The following KMT2C variants were observed in gnomAD, a reference collection of about 807,000 sequenced individuals.
The protein encoded by KMT2C is lysine methyltransferase 2C.
A neutral mutation model predicts 507.9 loss-of-function variants in KMT2C; 88 were observed. That is an observed-to-expected ratio of 0.17 (90% CI 0.15 to 0.21). The LOEUF is 0.21. Among genes scored for constraint, KMT2C ranks in the 10% least tolerant of loss-of-function variants. The pLI is 1.00. For missense variants in KMT2C, 4,954 were observed against 5,957.8 expected (o/e 0.83, Z 5.55); for synonymous variants, 2,049 against 2,080.8 (o/e 0.98, Z 0.42).
At chr7:152,209,523 A>G (rs1366526371) in intron 23 of KMT2C, among the ~76,000 whole-genome samples, 1 of 151,936 alleles carries the variant, frequency 6.6e-6, no homozygotes. Flanking sequence ...ATATGTTAAA[A>G]TTACATTCTC....
At chr7:152,290,236 G>GTGTGTGTA (rs2096389575) in intron 6 of KMT2C, among the ~76,000 whole-genome samples, 6 of 100,854 alleles carry the variant, frequency 5.9e-5, no homozygotes, top group African/African-American at 2.9e-4. Context: ...GTGTGTGTGT[G>GTGTGTGTA]TGTGTGTGTG....
At chr7:152,210,423 A>G (rs1476209708) in intron 23 of KMT2C, among the ~76,000 whole-genome samples, 1 of 152,214 alleles carries the variant, frequency 6.6e-6, no homozygotes, top group Non-Finnish European at 1.5e-5. Context: ...CATGTACCAT[A>G]AAGATTATCC....
intron 2 of KMT2C, among the ~76,000 whole-genome samples, chr7:152,339,467 C>T (rs1302638482): frequency 6.6e-6 from 1 of 152,074 alleles, no homozygotes; most frequent in Non-Finnish European, 1.5e-5. Context: ...AAATTCACTG[C>T]TAGATTTTAT....
In KMT2C at chr7:152,181,978, T is replaced by A. The variant is rs2129120569; in HGVS notation, c.5882A>T (p.Asp1961Val). 1 of 1,613,992 alleles carries A rather than the reference T, an allele frequency of 6.2e-7. No individual in the cohort carries two copies. The highest frequency in any genetic ancestry group is 8.5e-7 in the Non-Finnish European group (1 of 1,179,988). Residue 1961 changes from aspartate to valine, a missense_variant, in exon 36 of 59, where the codon GAC becomes GTC. Physicochemically the swap from Asp to Val is radical, Grantham distance 152. This residue lies in a region of KMT2C where 1,689 missense variants were observed against 1,654.3 expected (regional missense o/e 1.02). Coordinates refer to ENST00000262189, the MANE Select transcript of KMT2C (RefSeq NM_170606.3). ...DLCSSSTTNN[D>V]PYAKPPDTPR... ...TGTGTCTGGAGGTTTTGCATAGGGG[T>A]CATTATTTGTCGTGGAAGAAGAACA... is the stretch of plus-strand genomic sequence containing the variant.
At chr7:152,302,438 G>C (rs1285802547) in intron 6 of KMT2C, among the ~76,000 whole-genome samples, 1 of 151,994 alleles carries the variant, frequency 6.6e-6, no homozygotes, top group African/African-American at 2.4e-5. Context: ...TGGCCAGGCT[G>C]GTTTCAAACT....
chr7:152,173,233 T>C (rs992849019), intron 39 of KMT2C, among the ~76,000 whole-genome samples: 3 of 152,214 alleles, frequency 2.0e-5, no homozygotes, highest in Non-Finnish European at 4.4e-5. Context: ...TTGAAATATA[T>C]ACATCTTAAA....
rs1204205678 is a variant in KMT2C at position 152,163,461 on chromosome 7, A to G, written c.10116T>C (p.Asn3372=). 1.2e-6 allele frequency: 2 copies of G among 1,614,190 alleles called. No individual in the cohort carries two copies. The highest frequency in any genetic ancestry group is 1.7e-6 in the Non-Finnish European group (2 of 1,180,036). Residue 3372 remains asparagine (N), a synonymous_variant, in exon 43 of 59, where the codon AAT becomes AAC. Transcript: ENST00000262189. ...TCTPAPGTVS[N]ANPQSGPPPR... is the part of the protein sequence containing the mutation. ...GTGGTGGTCCACTCTGTGGATTTGC[A>G]TTTGAGACTGTCCCTGGGGCTGGTG... is the stretch of plus-strand genomic sequence containing the variant.
At chr7:152,311,740 T>C in intron 5 of KMT2C, 58 bp downstream of exon 5, 1 of 1,329,080 alleles carries the variant, frequency 7.5e-7, no homozygotes, top group Non-Finnish European at 1.0e-6. Context: ...TAATAATGTA[T>C]TAAAATTAAA....
chr7:152,240,553 T>C (rs1408453578), intron 14 of KMT2C, among the ~76,000 whole-genome samples: 4 of 152,276 alleles, frequency 2.6e-5, no homozygotes, highest in Non-Finnish European at 4.4e-5. Flanking sequence ...ATCTCCAAAT[T>C]AGCAGGATTT....
chr7:152,314,203 G>T (rs1035745461), intron 4 of KMT2C, among the ~76,000 whole-genome samples: 2 of 152,024 alleles, frequency 1.3e-5, no homozygotes, highest in African/African-American at 4.8e-5. Flanking sequence ...AGGTCTTCAA[G>T]GCATTGGCAG....
intron 1 of KMT2C, among the ~76,000 whole-genome samples, chr7:152,363,024 T>A (rs1388484802): frequency 6.6e-6 from 1 of 152,202 alleles, no homozygotes; most frequent in African/African-American, 2.4e-5. Flanking sequence ...TTCTGCCATG[T>A]GACTTTTCTG....
chr7:152,344,007 T>G (rs1015414417), intron 2 of KMT2C, among the ~76,000 whole-genome samples: 1 of 152,184 alleles, frequency 6.6e-6, no homozygotes, highest in African/African-American at 2.4e-5. Flanking sequence ...AAAAAAACTT[T>G]TTTCTTATTA....
At chr7:152,389,358 A>AAC (rs1384701096) in intron 1 of KMT2C, among the ~76,000 whole-genome samples, 6 of 151,400 alleles carry the variant, frequency 4.0e-5, no homozygotes, top group African/African-American at 1.5e-4. Context: ...GTCTCAAAAA[A>AAC]AAAAAAAAAA....
chr7:152,294,744 A>C (rs1588980543), intron 6 of KMT2C, among the ~76,000 whole-genome samples: 1 of 152,236 alleles, frequency 6.6e-6, no homozygotes. Context: ...AACACACTTG[A>C]GAGGCATTTG....
At chr7:152,367,265 A>C in intron 1 of KMT2C, 1 of 1,331,376 alleles carries the variant, frequency 7.5e-7, no homozygotes. Context: ...GAAGGAACCA[A>C]CATTCAAAGC....
At chr7:152,341,005 G>A (rs1195740433) in intron 2 of KMT2C, among the ~76,000 whole-genome samples, 1 of 152,056 alleles carries the variant, frequency 6.6e-6, no homozygotes. Flanking sequence ...AATGTTAATG[G>A]AATTTTTTGC....
chr7:152,248,736 A>G, intron 13 of KMT2C, 116 bp from the exon 14 acceptor site: 1 of 628,530 alleles, frequency 1.6e-6, no homozygotes, highest in Non-Finnish European at 2.7e-6. Flanking sequence ...TATTCATCAA[A>G]GCAGACAATT....
At chr7:152,294,743 G>C (rs1055832761) in intron 6 of KMT2C, among the ~76,000 whole-genome samples, 4 of 152,062 alleles carry the variant, frequency 2.6e-5, no homozygotes, top group African/African-American at 9.7e-5. Flanking sequence ...AAACACACTT[G>C]AGAGGCATTT....
chr7:152,299,385 G>A (rs2096546049), intron 6 of KMT2C, among the ~76,000 whole-genome samples: 1 of 151,644 alleles, frequency 6.6e-6, no homozygotes, highest in Non-Finnish European at 1.5e-5. Flanking sequence ...CAGGTGCAAT[G>A]GCTCACACCT....
Sources: allele counts gnomAD v4.1 joint callset (sites outside exome capture counted in the v4.1 genomes callset), GRCh38; gene constraint gnomAD v4.1.1; regional missense constraint gnomAD v4.1.1; transcripts MANE v1.5; gene names NCBI Gene and HGNC (gene_info 2026-07-23, HGNC 2026-07-21).